Variants in ATP8A2 observed in about 807,000 individuals in gnomAD.
ATP8A2 encodes phospholipid-transporting ATPase IB.
Under a neutral mutation model 165.6 loss-of-function variants are expected in ATP8A2, and 100 were observed. That is an observed-to-expected ratio of 0.60 (90% CI 0.51 to 0.71). The LOEUF (loss-of-function observed/expected upper bound fraction) is 0.71. Among genes scored for constraint, ATP8A2 ranks in the 30% least tolerant of loss-of-function variants. ATP8A2 has a pLI of 0.00. For synonymous variants in ATP8A2, 543 were observed against 548.8 expected (o/e 0.99, Z 0.15); for missense variants, 1,227 against 1,479.5 (o/e 0.83, Z 2.80).
At chr13:25,578,762 G>A (rs986482879) in intron 20 of ATP8A2, 53 bp from the exon 21 acceptor site, 12 of 1,019,054 alleles carry the variant, frequency 1.2e-5, no homozygotes, top group East Asian at 9.5e-5. Context: ...TAGTATGCTG[G>A]CTGGAAGGTT....
chr13:25,904,606 C>A (rs937073786), intron 33 of ATP8A2, among the ~76,000 whole-genome samples: 4 of 152,210 alleles, frequency 2.6e-5, no homozygotes, highest in Non-Finnish European at 4.4e-5. Context: ...AAAATACTTT[C>A]TTTCCATTCT....
At chr13:25,738,067 C>T (rs1455445182) in intron 25 of ATP8A2, among the ~76,000 whole-genome samples, 1 of 152,190 alleles carries the variant, frequency 6.6e-6, no homozygotes, top group East Asian at 1.9e-4. Flanking sequence ...CCACGTCGTA[C>T]ATTAGGCACA....
At chr13:25,896,733 T>A (rs1050644572) in intron 33 of ATP8A2, among the ~76,000 whole-genome samples, 1 of 152,218 alleles carries the variant, frequency 6.6e-6, no homozygotes, top group Non-Finnish European at 1.5e-5. Context: ...TGGGTGCATA[T>A]ATATTTAGGA....
In ATP8A2 at chr13:25,797,474, T is replaced by A. The variant is rs148388583; in HGVS notation, c.2679+22515T>A. ...TTTTATTAAAAAATAAAATAATAAT[T>A]TACATTTTGGTAATTGGTTATAGTA... On this transcript the variant is annotated intron_variant, in intron 27 of 36. Transcript: ENST00000381655. Among the ~76,000 whole-genome samples, 336 of 152,128 alleles carry A rather than the reference T, an allele frequency of 2.2e-3. 1 individual carries two copies. The highest frequency in any genetic ancestry group is 7.8e-3 in the African/African-American group (325 of 41,516).
intron 27 of ATP8A2, among the ~76,000 whole-genome samples, chr13:25,780,601 T>C (rs1400715250): frequency 6.6e-6 from 1 of 152,174 alleles, no homozygotes; most frequent in African/African-American, 2.4e-5. Flanking sequence ...AAACCTTTAT[T>C]ATACTGCAGC....
Position 25,899,582 on chromosome 13 carries a change from G to A in ATP8A2, c.3183+37174G>A, listed in dbSNP as rs529249903. Reference sequence around the variant, plus strand: ...TCGACTGAGATTGAGATCTGAGTGAGGAGCAGAGCCGGTGGTGTCCGCACC... The same window carrying A: ...TCGACTGAGATTGAGATCTGAGTGAAGAGCAGAGCCGGTGGTGTCCGCACC... On this transcript the variant is annotated intron_variant, in intron 33 of 36. Transcript: ENST00000381655. Among the ~76,000 whole-genome samples, 3 of 152,310 alleles carry A rather than the reference G, an allele frequency of 2.0e-5. No individual in the cohort carries two copies. The South Asian group carries it at 6.2e-4, about 32-fold the overall frequency.
At chr13:25,673,535 C>G (rs1159903744) in intron 24 of ATP8A2, among the ~76,000 whole-genome samples, 1 of 152,180 alleles carries the variant, frequency 6.6e-6, no homozygotes, top group African/African-American at 2.4e-5. Context: ...TCATACAGCT[C>G]TACTGGCTAA....
chr13:25,701,231 G>C (rs999496660), intron 25 of ATP8A2, among the ~76,000 whole-genome samples: 1 of 152,122 alleles, frequency 6.6e-6, no homozygotes, highest in African/African-American at 2.4e-5. Flanking sequence ...TGGTGTCATA[G>C]CTAATGAGCT....
intron 24 of ATP8A2, among the ~76,000 whole-genome samples, chr13:25,615,479 G>T (rs1019722154): frequency 4.6e-5 from 7 of 152,280 alleles, no homozygotes; most frequent in African/African-American, 1.7e-4. Flanking sequence ...CTCGCTGAGA[G>T]GGTTTTCAGG....
chr13:25,933,958 T>C (rs1042667911), intron 33 of ATP8A2, among the ~76,000 whole-genome samples: 2 of 152,176 alleles, frequency 1.3e-5, no homozygotes, highest in Admixed American at 6.5e-5. Context: ...TGGGGCTGAG[T>C]CAGTCTGGGC....
intron 24 of ATP8A2, among the ~76,000 whole-genome samples, chr13:25,657,911 T>A (rs1342870882): frequency 1.3e-5 from 2 of 152,198 alleles, no homozygotes; most frequent in East Asian, 3.9e-4. Context: ...GGGAGACCTG[T>A]CTTTTGCCTT....
intron 1 of ATP8A2, among the ~76,000 whole-genome samples, chr13:25,382,787 G>A (rs532704475): frequency 6.0e-5 from 9 of 148,920 alleles, no homozygotes; most frequent in East Asian, 2.0e-4. Context: ...ACAGAGTCTC[G>A]CTGTGTCGCC....
intron 30 of ATP8A2, among the ~76,000 whole-genome samples, chr13:25,856,079 T>C (rs554531252): frequency 1.6e-4 from 24 of 152,342 alleles, no homozygotes; most frequent in Middle Eastern, 3.4e-3. Context: ...CAAGTACTTT[T>C]TTCCATTTTT....
intron 10 of ATP8A2, among the ~76,000 whole-genome samples, chr13:25,547,251 AC>A (rs1566250297): frequency 6.6e-6 from 1 of 152,014 alleles, no homozygotes; most frequent in East Asian, 1.9e-4. Flanking sequence ...ACAGACTGGT[AC>A]CAGTCTGTGG....
intron 35 of ATP8A2, among the ~76,000 whole-genome samples, chr13:25,990,145 C>T (rs1229264622): frequency 6.6e-6 from 1 of 151,776 alleles, no homozygotes; most frequent in East Asian, 1.9e-4. Flanking sequence ...TGCGTTTATA[C>T]GTTGGCCCAG....
intron 36 of ATP8A2, among the ~76,000 whole-genome samples, chr13:26,015,178 G>A (rs1956940556): frequency 6.6e-6 from 1 of 152,110 alleles, no homozygotes; most frequent in African/African-American, 2.4e-5. Flanking sequence ...GAAGGCTTCT[G>A]AAATCACACC....
intron 24 of ATP8A2, among the ~76,000 whole-genome samples, chr13:25,686,558 C>G (rs950283916): frequency 1.9e-4 from 29 of 152,104 alleles, no homozygotes; most frequent in African/African-American, 7.0e-4. Context: ...GCTCAGAACT[C>G]CCTGACACTG....
chr13:25,423,861 T>C (rs1370940007), intron 1 of ATP8A2, among the ~76,000 whole-genome samples: 1 of 152,166 alleles, frequency 6.6e-6, no homozygotes, highest in Admixed American at 6.5e-5. Flanking sequence ...CTTTAAGGAA[T>C]CTACAAGCCA....
intron 2 of ATP8A2, among the ~76,000 whole-genome samples, chr13:25,506,481 GTCA>G (rs2037039989): frequency 6.6e-6 from 1 of 152,232 alleles, no homozygotes; most frequent in Admixed American, 6.5e-5. Flanking sequence ...TTCAGAAAAA[GTCA>G]TCAAGGCAGA....
Sources: gnomAD v4.1 joint callset for allele counts (sites outside exome capture counted in the v4.1 genomes callset) on GRCh38, gnomAD v4.1.1 for gene constraint, MANE v1.5 for transcripts, NCBI Gene and HGNC (gene_info 2026-07-23, HGNC 2026-07-21) for gene names.